Variants in ELAVL4 observed in about 807,000 individuals in gnomAD.
The protein encoded by ELAVL4 is ELAV-like protein 4.
Under a neutral mutation model 35.6 loss-of-function variants are expected in ELAVL4, and 1 was observed. The observed-to-expected ratio is 0.03, with a 90% CI of 0.01 to 0.13. ELAVL4 has a LOEUF of 0.13. Among genes scored for constraint, ELAVL4 ranks in the 10% least tolerant of loss-of-function variants. The probability of loss-of-function intolerance (pLI) is 1.00; values close to 1 mark genes in which losing one functional copy is unlikely to be tolerated. For missense variants in ELAVL4, 267 were observed against 464.9 expected (o/e 0.57, Z 3.91); for synonymous variants, 156 against 171.0 (o/e 0.91, Z 0.69).
chr1:50,091,978 C>T (rs1665517128), intron 1 of ELAVL4, among the ~76,000 whole-genome samples: 1 of 152,176 alleles, frequency 6.6e-6, no homozygotes, highest in African/African-American at 2.4e-5. Flanking sequence ...ATTGTATCAG[C>T]TGATGGGTTT....
At chr1:50,159,443 A>G (rs1676369155) in intron 2 of ELAVL4, among the ~76,000 whole-genome samples, 1 of 152,096 alleles carries the variant, frequency 6.6e-6, no homozygotes, top group South Asian at 2.1e-4. Flanking sequence ...CCCCATCTCT[A>G]CTAAAAATAC....
chr1:50,058,573 T>TA (rs1663798568), intron 1 of ELAVL4, among the ~76,000 whole-genome samples: 1 of 150,520 alleles, frequency 6.6e-6, no homozygotes, highest in Non-Finnish European at 1.5e-5. Flanking sequence ...AAAAAAAAAG[T>TA]AAAAATGGAC....
intron 1 of ELAVL4, chr1:50,109,944 G>C (rs747098973): frequency 1.6e-5 from 25 of 1,612,320 alleles, no homozygotes; most frequent in African/African-American, 2.7e-5. Flanking sequence ...ATCACAGATG[G>C]AGTGGAATGG....
chr1:50,151,850 A>G (rs758842402), intron 2 of ELAVL4, among the ~76,000 whole-genome samples: 1 of 152,118 alleles, frequency 6.6e-6, no homozygotes, highest in Non-Finnish European at 1.5e-5. Flanking sequence ...CTATTGTTGG[A>G]GGTGAGTGGA....
intron 2 of ELAVL4, among the ~76,000 whole-genome samples, chr1:50,175,114 T>C (rs1037027272): frequency 2.0e-5 from 3 of 152,150 alleles, no homozygotes; most frequent in Admixed American, 2.0e-4. Flanking sequence ...TTGGTGAATG[T>C]TTTTAAAAAG....
At chr1:50,068,732 G>A (rs1281729347) in intron 1 of ELAVL4, among the ~76,000 whole-genome samples, 1 of 152,216 alleles carries the variant, frequency 6.6e-6, no homozygotes, top group East Asian at 1.9e-4. Flanking sequence ...ATGACTGGTT[G>A]AGTGAAATAT....
chr1:50,175,662 T>C (rs1557835568), intron 2 of ELAVL4: 2 of 152,244 alleles, frequency 1.3e-5, no homozygotes, highest in African/African-American at 4.8e-5. Flanking sequence ...TGAGCTTTCT[T>C]GTGATTCTCT....
chr1:50,049,164 C>T (rs1010421128), intron 1 of ELAVL4, among the ~76,000 whole-genome samples: 133 of 152,306 alleles, frequency 8.7e-4, no homozygotes, highest in African/African-American at 3.1e-3. Flanking sequence ...GACTTAAATA[C>T]AGGGCTCCAC....
intron 2 of ELAVL4, among the ~76,000 whole-genome samples, chr1:50,168,973 C>T (rs1018110230): frequency 6.8e-6 from 1 of 147,798 alleles, no homozygotes; most frequent in Non-Finnish European, 1.5e-5. Flanking sequence ...TACACACACA[C>T]ATATATATAT....
chr1:50,197,219 A>C (rs940476409), intron 5 of ELAVL4, among the ~76,000 whole-genome samples: 1 of 152,232 alleles, frequency 6.6e-6, no homozygotes, highest in African/African-American at 2.4e-5. Flanking sequence ...CTCATTAGAC[A>C]CTTGCTTTAA....
intron 2 of ELAVL4, among the ~76,000 whole-genome samples, chr1:50,155,174 T>A: frequency 1.6e-5 from 1 of 64,504 alleles, no homozygotes; most frequent in East Asian, 5.4e-4. Context: ...CCCTCCCCCC[T>A]CCCCCCACCC....
At position 50,201,454 on chromosome 1, in the gene ELAVL4, A is replaced by G; in HGVS notation, c.*276A>G. ...GTTCTTTCATAGCTGTCGTTGTTGA[A>G]TATAATATACATAGATAGCGATGTG... On this transcript the variant is annotated 3_prime_UTR_variant, in exon 7 of 7. Coordinates refer to ENST00000371824, the MANE Select transcript of ELAVL4 (RefSeq NM_001144774.3). This position sits in a 1 kb window ranked among gnomAD's most constrained non-coding sequence, Gnocchi z 4.3. 4.7e-6 allele frequency: 1 copy of G among 211,470 alleles called. No homozygotes were observed. Among genetic ancestry groups the G allele is most frequent in the Non-Finnish European group, 9.3e-6 (1 of 107,046 alleles). 13.1% of individuals were successfully genotyped at this position (211,470 alleles called of 1,614,324 possible).
At chr1:50,069,846 C>G (rs1664431617) in intron 1 of ELAVL4, among the ~76,000 whole-genome samples, 1 of 152,166 alleles carries the variant, frequency 6.6e-6, no homozygotes, top group East Asian at 1.9e-4. Context: ...TTTGTAGACC[C>G]TTCTTGTGCT....
chr1:50,069,473 T>C (rs1049390714), intron 1 of ELAVL4, among the ~76,000 whole-genome samples: 1 of 152,190 alleles, frequency 6.6e-6, no homozygotes, highest in Non-Finnish European at 1.5e-5. Flanking sequence ...CTGTGATCTA[T>C]TTGTTTGATT....
At chr1:50,062,036 G>T (rs903540020) in intron 1 of ELAVL4, among the ~76,000 whole-genome samples, 1 of 152,180 alleles carries the variant, frequency 6.6e-6, no homozygotes, top group Admixed American at 6.5e-5. Context: ...AGGTGTCACA[G>T]CCAAGTGAGT....
chr1:50,072,448 G>C (rs78496523), intron 1 of ELAVL4, among the ~76,000 whole-genome samples: 2 of 152,160 alleles, frequency 1.3e-5, no homozygotes, highest in Non-Finnish European at 2.9e-5. Context: ...ACACAGCCCC[G>C]CTGGGCCTTC....
intron 6 of ELAVL4, among the ~76,000 whole-genome samples, chr1:50,199,655 C>T (rs1261998768): frequency 6.6e-6 from 1 of 151,424 alleles, no homozygotes; most frequent in African/African-American, 2.4e-5. Flanking sequence ...TTACAATGAG[C>T]CAAGATAACG....
At chr1:50,125,893 G>A (rs6679408) in intron 1 of ELAVL4, among the ~76,000 whole-genome samples, 30,822 of 151,798 alleles carry the variant, frequency 0.2, 3,306 homozygotes, top group East Asian at 0.34. Context: ...TACTTGTAGT[G>A]GGGTCTTGGT....
chr1:50,097,363 A>G (rs1665763782), intron 1 of ELAVL4, among the ~76,000 whole-genome samples: 1 of 152,232 alleles, frequency 6.6e-6, no homozygotes, highest in African/African-American at 2.4e-5. Flanking sequence ...TACAGTGTAA[A>G]GTCAGTTGAA....
Sources: allele counts gnomAD v4.1 joint callset (sites outside exome capture counted in the v4.1 genomes callset), GRCh38; gene constraint gnomAD v4.1.1; non-coding constraint Gnocchi (gnomAD v3.1); transcripts MANE v1.5; gene names NCBI Gene and HGNC (gene_info 2026-07-23, HGNC 2026-07-21).